Variants in PTPN13 observed in about 807,000 individuals in gnomAD.
PTPN13 encodes tyrosine-protein phosphatase non-receptor type 13.
A neutral mutation model predicts 284.0 loss-of-function variants in PTPN13; 191 were observed. The observed-to-expected ratio is 0.67, with a 90% confidence interval of 0.60 to 0.76. PTPN13 has a LOEUF of 0.76. Among genes scored for constraint, PTPN13 ranks in the 30% least tolerant of loss-of-function variants. The pLI is 0.00. For missense variants in PTPN13, 2,797 were observed against 2,939.9 expected, an observed-to-expected ratio of 0.95 and a Z score of 1.12; for synonymous variants, 986 against 1,022.3, an observed-to-expected ratio of 0.96 and a Z score of 0.68.
rs558463399 is a variant in PTPN13 at position 86,732,664 on chromosome 4, C to G, written c.1756C>G (p.Leu586Val). 6.2e-7 allele frequency: 1 copy of G among 1,613,576 alleles called. No homozygotes were observed. Among genetic ancestry groups the G allele is most frequent in the South Asian group, 1.1e-5 (1 of 91,064 alleles). The change falls in exon 12 of 48, where the codon CTG (leucine) becomes GTG (valine). Residue 586 changes from leucine to valine, a missense_variant. Coordinates refer to ENST00000411767, the MANE Select transcript of PTPN13 (RefSeq NM_080683.3). ...IMLLNGQRLE[L>V]TCDTKTICKD... ...GCTTCTGAACGGGCAAAGACTGGAA[C>G]TGACCTGTGATACCAAAACTATATG... is the stretch of plus-strand genomic sequence containing the variant.
chr4:86,661,175 G>C (rs769139161), intron 2 of PTPN13: 1 of 429,050 alleles, frequency 2.3e-6, no homozygotes, highest in South Asian at 1.7e-5. Flanking sequence ...GGTAATCACT[G>C]CTATGACATA....
chr4:86,754,191 T>A (rs1737722207), intron 20 of PTPN13, among the ~76,000 whole-genome samples: 1 of 152,098 alleles, frequency 6.6e-6, no homozygotes, highest in African/African-American at 2.4e-5. Flanking sequence ...CTTCTCATTT[T>A]ATTTTTGAAT....
intron 6 of PTPN13, among the ~76,000 whole-genome samples, chr4:86,695,006 A>G (rs889732128): frequency 6.6e-6 from 1 of 152,188 alleles, no homozygotes; most frequent in African/African-American, 2.4e-5. Context: ...GACTATCTGG[A>G]CCAAATGTTT....
At chr4:86,613,633 C>CA (rs544971012) in intron 1 of PTPN13, among the ~76,000 whole-genome samples, 2,352 of 61,086 alleles carry the variant, frequency 0.039, 76 homozygotes, top group East Asian at 0.17. Flanking sequence ...GACTCCGTCT[C>CA]AAAAAAAAAA....
At chr4:86,599,536 A>T (rs1642582934) in intron 1 of PTPN13, among the ~76,000 whole-genome samples, 1 of 152,200 alleles carries the variant, frequency 6.6e-6, no homozygotes, top group Non-Finnish European at 1.5e-5. Flanking sequence ...CTCAGGAGCC[A>T]CTTGCAGCTA....
intron 43 of PTPN13, 68 bp from the exon 44 acceptor site, chr4:86,805,211 A>T: frequency 9.9e-7 from 1 of 1,010,672 alleles, no homozygotes; most frequent in Non-Finnish European, 1.5e-6. Context: ...CTACACATTT[A>T]AAGTATTTGA....
At chr4:86,775,824 G>A (rs1294849902) in intron 35 of PTPN13, among the ~76,000 whole-genome samples, 172 bp downstream of exon 35, 1 of 152,194 alleles carries the variant, frequency 6.6e-6, no homozygotes, top group African/African-American at 2.4e-5. Context: ...AGAACACTAA[G>A]TGAATAATAG....
intron 6 of PTPN13, 147 bp from the exon 7 acceptor site, chr4:86,701,094 T>C: frequency 1.7e-6 from 1 of 590,498 alleles, no homozygotes; most frequent in Non-Finnish European, 2.9e-6. Context: ...TCTTCCACTA[T>C]GACCATCATC....
chr4:86,774,179 G>A (rs1032604241), intron 32 of PTPN13, among the ~76,000 whole-genome samples, 194 bp from the exon 33 acceptor site: 1 of 152,136 alleles, frequency 6.6e-6, no homozygotes, highest in Admixed American at 6.5e-5. Context: ...TACGTGGGAT[G>A]CAGTGGGGGG....
At chr4:86,698,280 C>T (rs950037183) in intron 6 of PTPN13, among the ~76,000 whole-genome samples, 17 of 152,014 alleles carry the variant, frequency 1.1e-4, no homozygotes, top group African/African-American at 3.9e-4. Flanking sequence ...AGTAATTGGG[C>T]CACTTATTGT....
intron 7 of PTPN13, among the ~76,000 whole-genome samples, chr4:86,709,558 C>T (rs752699123): frequency 6.6e-6 from 1 of 152,152 alleles, no homozygotes; most frequent in Admixed American, 6.6e-5. Flanking sequence ...CAAATCACAC[C>T]TCCTCTTCCT....
intron 10 of PTPN13, among the ~76,000 whole-genome samples, chr4:86,729,127 A>C (rs1014453048): frequency 6.7e-6 from 1 of 149,244 alleles, no homozygotes; most frequent in Non-Finnish European, 1.5e-5. Context: ...ATGTGAAATT[A>C]TGGGTTGAAA....
intron 44 of PTPN13, 27 bp from the exon 45 acceptor site, chr4:86,807,533 C>A: frequency 1.3e-6 from 2 of 1,537,082 alleles, no homozygotes; most frequent in South Asian, 1.2e-5. Context: ...ATATGGATGG[C>A]TCTGTTTTGT....
intron 4 of PTPN13, among the ~76,000 whole-genome samples, chr4:86,688,413 T>C (rs1480805935): frequency 6.6e-6 from 1 of 152,092 alleles, no homozygotes; most frequent in Admixed American, 6.6e-5. Context: ...AATAATGACA[T>C]TGGCCACCCT....
intron 7 of PTPN13, among the ~76,000 whole-genome samples, chr4:86,708,403 T>C (rs1271286970): frequency 6.6e-6 from 1 of 152,060 alleles, no homozygotes; most frequent in East Asian, 1.9e-4. Flanking sequence ...AGTGGAAAAA[T>C]AAAATTACAT....
At chr4:86,805,933 A>G (rs896603170) in intron 44 of PTPN13, among the ~76,000 whole-genome samples, 1 of 152,146 alleles carries the variant, frequency 6.6e-6, no homozygotes, top group Admixed American at 6.5e-5. Context: ...AGGGAGGCAG[A>G]TCACTTGAGA....
At chr4:86,758,841 A>G in intron 22 of PTPN13, 56 bp downstream of exon 22, 1 of 1,588,718 alleles carries the variant, frequency 6.3e-7, no homozygotes, top group Non-Finnish European at 8.6e-7. Context: ...GAATTTAGGA[A>G]CTTAGGCCAA....
chr4:86,654,067 C>T (rs1178866981), intron 2 of PTPN13, among the ~76,000 whole-genome samples: 1 of 152,032 alleles, frequency 6.6e-6, no homozygotes, highest in African/African-American at 2.4e-5. Flanking sequence ...CAAGAGAAAG[C>T]AGGAAAGATC....
chr4:86,691,503 C>G (rs1213047893), intron 5 of PTPN13, among the ~76,000 whole-genome samples: 1 of 152,128 alleles, frequency 6.6e-6, no homozygotes, highest in Non-Finnish European at 1.5e-5. Context: ...TATTGCTCTT[C>G]CTCATCTCCT....
Sources: gnomAD v4.1 joint callset for allele counts (sites outside exome capture counted in the v4.1 genomes callset) on GRCh38, gnomAD v4.1.1 for gene constraint, MANE v1.5 for transcripts, NCBI Gene and HGNC (gene_info 2026-07-23, HGNC 2026-07-21) for gene names.